Variants in FAM135B observed in about 807,000 individuals in gnomAD.
The protein encoded by FAM135B is protein FAM135B.
In FAM135B, 43 loss-of-function variants were observed where a neutral mutation model predicts 127.7. The ratio of observed to expected loss-of-function variants is 0.34; its 90% CI spans 0.26 to 0.43. The LOEUF is 0.43. Ranked by LOEUF, FAM135B falls within the 20% of genes least tolerant of loss-of-function variation. The probability of loss-of-function intolerance (pLI) is 1.00; values close to 1 mark genes in which losing one functional copy is unlikely to be tolerated. For missense variants in FAM135B, 1,558 were observed against 1,725.6 expected, an observed-to-expected ratio of 0.90 and a Z score of 1.72; for synonymous variants, 670 against 665.1, an observed-to-expected ratio of 1.01 and a Z score of -0.11.
At chr8:138,181,009 G>A (rs1243392462) in intron 9 of FAM135B, among the ~76,000 whole-genome samples, 2 of 152,002 alleles carry the variant, frequency 1.3e-5, no homozygotes, top group Non-Finnish European at 2.9e-5. Context: ...GGGAGGCTGA[G>A]GCAGGCGGAT....
intron 1 of FAM135B, among the ~76,000 whole-genome samples, chr8:138,407,527 C>A (rs2131389539): frequency 6.6e-6 from 1 of 152,252 alleles, no homozygotes; most frequent in Admixed American, 6.5e-5. Flanking sequence ...GCTACAGTAA[C>A]CAAAACAGCA....
intron 1 of FAM135B, among the ~76,000 whole-genome samples, chr8:138,477,896 C>T (rs1171729824): frequency 6.6e-6 from 1 of 152,080 alleles, no homozygotes; most frequent in African/African-American, 2.4e-5. Context: ...GATTATAGAG[C>T]AGAGATCTCA....
intron 1 of FAM135B, among the ~76,000 whole-genome samples, chr8:138,484,354 T>C (rs1000399266): frequency 2.0e-5 from 3 of 152,144 alleles, no homozygotes; most frequent in South Asian, 2.1e-4. Context: ...GAGAGGGAAA[T>C]GGTTTGTTTT....
At position 138,130,970 on chromosome 8, in the gene FAM135B, C is replaced by G. The variant is rs1269022240; in HGVS notation, c.*1623G>C. 1 of 152,230 alleles carries G rather than the reference C, an allele frequency of 6.6e-6. No homozygotes were observed. Among genetic ancestry groups the G allele is most frequent in the Non-Finnish European group, 1.5e-5 (1 of 68,066 alleles). The allele number at this position is 152,230 out of a possible 1,614,324, so 9.4% of individuals were successfully genotyped here. ...AACTCTGCCTTTGCAAGACATTCAA[C>G]TCTCCCTCAACGACCCTCTCTTTCT... is the stretch of plus-strand genomic sequence containing the variant. On this transcript the variant is annotated 3_prime_UTR_variant, in exon 20 of 20. Transcript: ENST00000395297.
chr8:138,419,819 A>G (rs1011211945), intron 1 of FAM135B, among the ~76,000 whole-genome samples: 9 of 152,274 alleles, frequency 5.9e-5, no homozygotes, highest in African/African-American at 1.9e-4. Context: ...GATACAACAT[A>G]CCAGAATCTC....
intron 1 of FAM135B, among the ~76,000 whole-genome samples, chr8:138,471,034 A>G (rs1364076312): frequency 6.6e-6 from 1 of 152,236 alleles, no homozygotes; most frequent in Non-Finnish European, 1.5e-5. Flanking sequence ...TAAATACATT[A>G]TCATACACAC....
At position 138,241,819 on chromosome 8, in the gene FAM135B, T is replaced by C. The variant is rs1037258843; in HGVS notation, c.669+1123A>G. Among the ~76,000 whole-genome samples the C allele has an allele frequency of 8.5e-5, 13 of 152,176 alleles. No homozygotes were observed. The highest frequency in any genetic ancestry group is 2.0e-4 in the Admixed American group (3 of 15,272). ...TTGAACATTATTCTAGGTAAGCCTG[T>C]GAGGGTATGTCTGGATGAACTGGTC... is the stretch of plus-strand genomic sequence containing the variant. On this transcript the variant is annotated intron_variant, in intron 7 of 19. Transcript: ENST00000395297. The surrounding 1 kb of genome is among the most constrained non-coding windows in gnomAD (Gnocchi z 4.8).
intron 10 of FAM135B, among the ~76,000 whole-genome samples, chr8:138,177,742 A>C (rs1814613026): frequency 6.6e-6 from 1 of 152,248 alleles, no homozygotes; most frequent in African/African-American, 2.4e-5. Context: ...AACAGGGTCC[A>C]TAAATAAATG....
At chr8:138,399,205 T>G (rs1008156981) in intron 1 of FAM135B, among the ~76,000 whole-genome samples, 1 of 152,134 alleles carries the variant, frequency 6.6e-6, no homozygotes, top group Admixed American at 6.5e-5. Flanking sequence ...AATAATAGCA[T>G]CCCCATTAAT....
intron 7 of FAM135B, among the ~76,000 whole-genome samples, chr8:138,230,175 G>A (rs973729582): frequency 6.6e-6 from 1 of 152,170 alleles, no homozygotes; most frequent in Non-Finnish European, 1.5e-5. Flanking sequence ...TGGGAATACA[G>A]CCAATCTCTG....
chr8:138,185,159 G>A (rs1815435664), intron 9 of FAM135B, among the ~76,000 whole-genome samples: 1 of 152,124 alleles, frequency 6.6e-6, no homozygotes, highest in African/African-American at 2.4e-5. Flanking sequence ...CAAAGCTTTA[G>A]TTTCCCCACT....
chr8:138,491,055 C>T (rs931658345), intron 1 of FAM135B, among the ~76,000 whole-genome samples: 2 of 150,458 alleles, frequency 1.3e-5, no homozygotes, highest in African/African-American at 2.4e-5. Context: ...GCAGGAGAAT[C>T]GCTTCAACCC....
At chr8:138,300,744 C>T (rs1256930479) in intron 3 of FAM135B, among the ~76,000 whole-genome samples, 8 of 100,496 alleles carry the variant, frequency 8.0e-5, no homozygotes, top group South Asian at 7.4e-4. Context: ...ATTTTATCCA[C>T]TTTTTTTTTT....
At chr8:138,434,155 T>C (rs1178787296) in intron 1 of FAM135B, among the ~76,000 whole-genome samples, 1 of 152,220 alleles carries the variant, frequency 6.6e-6, no homozygotes, top group Admixed American at 6.5e-5. Flanking sequence ...GCTTTCTCTA[T>C]GAATCATGTG....
intron 1 of FAM135B, among the ~76,000 whole-genome samples, chr8:138,493,891 A>G (rs1215362752): frequency 1.3e-5 from 2 of 152,260 alleles, no homozygotes; most frequent in African/African-American, 2.4e-5. Context: ...AGTTCCAGGT[A>G]CCCTGAAAAC....
At chr8:138,269,829 T>TG (rs1823235886) in intron 3 of FAM135B, among the ~76,000 whole-genome samples, 1 of 152,156 alleles carries the variant, frequency 6.6e-6, no homozygotes, top group Non-Finnish European at 1.5e-5. Flanking sequence ...ACTGAAAAAT[T>TG]ATCAAAATCC....
chr8:138,246,615 G>T (rs1260739433), intron 6 of FAM135B, among the ~76,000 whole-genome samples: 1 of 152,186 alleles, frequency 6.6e-6, no homozygotes. Flanking sequence ...TTTGCTGCAG[G>T]AGCAGACCCC....
At chr8:138,394,057 TA>T (rs1832732780) in intron 1 of FAM135B, among the ~76,000 whole-genome samples, 1 of 152,116 alleles carries the variant, frequency 6.6e-6, no homozygotes, top group African/African-American at 2.4e-5. Flanking sequence ...GTGCCTTGAC[TA>T]AGAGGACAGC....
intron 1 of FAM135B, among the ~76,000 whole-genome samples, chr8:138,418,447 G>A (rs867135645): frequency 4.5e-5 from 6 of 132,818 alleles, no homozygotes; most frequent in East Asian, 3.5e-4. Flanking sequence ...AGAAAACTGC[G>A]AGATGCTATA....
Sources: allele counts gnomAD v4.1 joint callset (sites outside exome capture counted in the v4.1 genomes callset), GRCh38; gene constraint gnomAD v4.1.1; non-coding constraint Gnocchi (gnomAD v3.1); transcripts MANE v1.5; gene names NCBI Gene and HGNC (gene_info 2026-07-23, HGNC 2026-07-21).